The following WWOX variants were observed in gnomAD, a reference collection of about 807,000 sequenced individuals.
WWOX encodes the protein WW domain containing oxidoreductase, also known as WW domain-containing oxidoreductase.
Under a neutral mutation model 46.2 loss-of-function variants are expected in WWOX, and 69 were observed. The ratio of observed to expected loss-of-function variants is 1.49; its 90% CI spans 1.23 to 1.82. The LOEUF (loss-of-function observed/expected upper bound fraction) is 1.82, where lower values mean the gene tolerates loss of function less well. Ranked by LOEUF, WWOX falls within the 40% of genes most tolerant of loss-of-function variation. The pLI, the probability that WWOX is intolerant of heterozygous loss-of-function variation, is 0.00. For missense variants in WWOX, 919 were observed against 542.6 expected (o/e 1.69, Z -6.89); for synonymous variants, 359 against 202.6 (o/e 1.77, Z -6.56).
At chr16:78,648,227 A>G (rs185296907) in intron 8 of WWOX, among the ~76,000 whole-genome samples, 26 of 152,274 alleles carry the variant, frequency 1.7e-4, no homozygotes, top group African/African-American at 6.0e-4. Context: ...TAATTCATGC[A>G]TATCCCTATA....
intron 8 of WWOX, among the ~76,000 whole-genome samples, chr16:78,767,482 CTGTG>C (rs3051061): frequency 0.018 from 2,604 of 143,084 alleles, 45 homozygotes; most frequent in African/African-American, 0.051. Context: ...GTGTGTGTGT[CTGTG>C]TGTGTGTGTG....
chr16:78,454,467 C>T (rs904955597), intron 8 of WWOX, among the ~76,000 whole-genome samples: 2 of 149,534 alleles, frequency 1.3e-5, no homozygotes, highest in Non-Finnish European at 3.0e-5. Context: ...TGTTTTTTTT[C>T]CCCTAGGTTG....
At chr16:78,846,106 C>A (rs948169809) in intron 8 of WWOX, among the ~76,000 whole-genome samples, 3 of 152,152 alleles carry the variant, frequency 2.0e-5, no homozygotes, top group Non-Finnish European at 4.4e-5. Context: ...GCTGTGGGAC[C>A]TTGGGAAAGG....
intron 4 of WWOX, among the ~76,000 whole-genome samples, chr16:78,153,600 G>A (rs2034494456): frequency 6.6e-6 from 1 of 152,080 alleles, no homozygotes; most frequent in Admixed American, 6.5e-5. Context: ...TGCTATGTTT[G>A]TGGGGCGGGG....
chr16:79,155,659 G>A (rs375942875), intron 8 of WWOX, among the ~76,000 whole-genome samples: 7 of 152,188 alleles, frequency 4.6e-5, no homozygotes, highest in African/African-American at 1.7e-4. Flanking sequence ...TTGGGGGATT[G>A]TGTACAAAGT....
chr16:78,655,126 C>T (rs370910287), intron 8 of WWOX, among the ~76,000 whole-genome samples: 13 of 152,072 alleles, frequency 8.5e-5, no homozygotes, highest in South Asian at 2.1e-4. Context: ...TAAGGAAACT[C>T]GGCTCAAACT....
chr16:78,474,708 C>G (rs965868039), intron 8 of WWOX, among the ~76,000 whole-genome samples: 3 of 150,840 alleles, frequency 2.0e-5, no homozygotes, highest in Non-Finnish European at 2.9e-5. Context: ...AAAGCCTGCA[C>G]CCCATATTTT....
At chr16:78,484,589 G>C (rs956605179) in intron 8 of WWOX, among the ~76,000 whole-genome samples, 9 of 152,146 alleles carry the variant, frequency 5.9e-5, no homozygotes, top group Admixed American at 6.5e-5. Context: ...TGGGTTTTAC[G>C]TTACAATTTA....
chr16:78,942,953 G>A (rs1300093859), intron 8 of WWOX, among the ~76,000 whole-genome samples: 1 of 152,150 alleles, frequency 6.6e-6, no homozygotes, highest in Non-Finnish European at 1.5e-5. Flanking sequence ...TCATTTGCAA[G>A]TAAATAATGC....
intron 5 of WWOX, among the ~76,000 whole-genome samples, chr16:78,354,754 C>G (rs1354158303): frequency 2.6e-5 from 4 of 152,088 alleles, no homozygotes; most frequent in South Asian, 2.1e-4. Flanking sequence ...ATTTTGTTTT[C>G]TATTTTTCAT....
At chr16:78,188,952 G>A (rs575221069) in intron 5 of WWOX, among the ~76,000 whole-genome samples, 1 of 152,260 alleles carries the variant, frequency 6.6e-6, no homozygotes, top group Admixed American at 6.5e-5. Flanking sequence ...AGGAAAAGGG[G>A]AAGGGAATAG....
At chr16:78,324,414 G>A (rs2080562957) in intron 5 of WWOX, among the ~76,000 whole-genome samples, 1 of 152,074 alleles carries the variant, frequency 6.6e-6, no homozygotes, top group South Asian at 2.1e-4. Flanking sequence ...GTTCCCATAT[G>A]ACCTAGCAAT....
intron 8 of WWOX, among the ~76,000 whole-genome samples, chr16:78,593,947 C>T (rs766455553): frequency 5.3e-5 from 8 of 152,106 alleles, no homozygotes; most frequent in South Asian, 4.1e-4. Context: ...CCTTAGTTTG[C>T]GTCTTTGTCC....
intron 8 of WWOX, among the ~76,000 whole-genome samples, chr16:78,543,404 A>T (rs944932612): frequency 6.6e-6 from 1 of 152,224 alleles, no homozygotes; most frequent in African/African-American, 2.4e-5. Context: ...GCCCTTTCAC[A>T]TACAGCGAGA....
At chr16:78,798,841 C>T (rs566987952) in intron 8 of WWOX, among the ~76,000 whole-genome samples, 3 of 152,092 alleles carry the variant, frequency 2.0e-5, no homozygotes, top group Non-Finnish European at 2.9e-5. Context: ...ATATCAGATG[C>T]GGCCAATGTC....
intron 8 of WWOX, among the ~76,000 whole-genome samples, chr16:78,691,001 C>A (rs1452462964): frequency 1.3e-5 from 2 of 152,080 alleles, no homozygotes; most frequent in African/African-American, 2.4e-5. Flanking sequence ...TCGTAGACCC[C>A]CTTTGATAAT....
intron 6 of WWOX, among the ~76,000 whole-genome samples, chr16:78,410,184 C>T (rs984278641): frequency 2.6e-5 from 4 of 152,212 alleles, no homozygotes; most frequent in African/African-American, 7.2e-5. Flanking sequence ...CTGTAAGCCT[C>T]CTGAGGCCTC....
intron 8 of WWOX, among the ~76,000 whole-genome samples, chr16:78,957,885 C>G (rs996575037): frequency 1.3e-5 from 2 of 152,320 alleles, no homozygotes; most frequent in Admixed American, 1.3e-4. Context: ...TGGGGGGACA[C>G]ATGACTAATC....
intron 8 of WWOX, among the ~76,000 whole-genome samples, chr16:78,800,846 G>T (rs999030491): frequency 6.6e-6 from 1 of 152,164 alleles, no homozygotes; most frequent in Non-Finnish European, 1.5e-5. Context: ...TCACTTGACA[G>T]ATTGTGGTCA....
Sources: allele counts gnomAD v4.1 joint callset (sites outside exome capture counted in the v4.1 genomes callset), GRCh38; gene constraint gnomAD v4.1.1; transcripts MANE v1.5; gene names NCBI Gene and HGNC (gene_info 2026-07-23, HGNC 2026-07-21).